Variants in GRM1 observed in about 807,000 individuals in gnomAD.
GRM1 encodes the protein glutamate metabotropic receptor 1.
Under a neutral mutation model 90.9 loss-of-function variants are expected in GRM1, and 33 were observed. The observed-to-expected ratio is 0.36, with a 90% CI of 0.28 to 0.49. The LOEUF (loss-of-function observed/expected upper bound fraction) is 0.49, where lower values mean the gene tolerates loss of function less well. Among genes scored for constraint, GRM1 ranks in the 20% least tolerant of loss-of-function variants. The pLI, the probability that GRM1 is intolerant of heterozygous loss-of-function variation, is 0.99. For missense variants in GRM1, 1,190 were observed against 1,534.3 expected (o/e 0.78, Z 3.75); for synonymous variants, 700 against 613.2 (o/e 1.14, Z -2.09).
At chr6:146,082,264 T>C (rs1391590500) in intron 1 of GRM1, among the ~76,000 whole-genome samples, 1 of 152,126 alleles carries the variant, frequency 6.6e-6, no homozygotes, top group Non-Finnish European at 1.5e-5. Flanking sequence ...CAAGCAATTC[T>C]CCCATCTCAG....
chr6:146,333,557 A>T (rs1784659043), intron 3 of GRM1, among the ~76,000 whole-genome samples: 1 of 152,172 alleles, frequency 6.6e-6, no homozygotes, highest in Admixed American at 6.6e-5. Context: ...GAGAAATGAC[A>T]GTTATATCTT....
At chr6:146,053,006 T>C (rs1411539902) in intron 1 of GRM1, among the ~76,000 whole-genome samples, 1 of 152,000 alleles carries the variant, frequency 6.6e-6, no homozygotes, top group Non-Finnish European at 1.5e-5. Context: ...AAGACAAATA[T>C]GTGACTAGAC....
intron 2 of GRM1, among the ~76,000 whole-genome samples, chr6:146,188,215 T>C (rs551237065): frequency 1.3e-5 from 2 of 152,298 alleles, no homozygotes; most frequent in South Asian, 4.1e-4. Flanking sequence ...AGGCATCTTT[T>C]CTTTCAAATC....
rs1039693579 is a variant in GRM1 at position 146,436,299 on chromosome 6, G to A, written c.*1503G>A. 3 of 152,156 alleles carry A rather than the reference G, an allele frequency of 2.0e-5. No individual in the cohort carries two copies. The highest frequency in any genetic ancestry group is 2.9e-5 in the Non-Finnish European group (2 of 68,022). The allele number at this position is 152,156 out of a possible 1,614,324, so 9.4% of individuals were successfully genotyped here. ...TATTTTTCAGATATTTTCTGATGTG[G>A]AGATATGTTATTAATGAAGTGGTTT... On this transcript the variant is annotated 3_prime_UTR_variant, in exon 8 of 8. Coordinates refer to ENST00000282753, the MANE Select transcript of GRM1 (RefSeq NM_001278064.2).
intron 1 of GRM1, among the ~76,000 whole-genome samples, chr6:146,113,366 G>C (rs1775631833): frequency 6.6e-6 from 1 of 152,156 alleles, no homozygotes; most frequent in Non-Finnish European, 1.5e-5. Flanking sequence ...TTCCACTTGT[G>C]ACAGTAATTA....
At chr6:146,398,612 A>G (rs1777049860) in intron 6 of GRM1, among the ~76,000 whole-genome samples, 157 bp from the exon 7 acceptor site, 1 of 152,210 alleles carries the variant, frequency 6.6e-6, no homozygotes, top group African/African-American at 2.4e-5. Flanking sequence ...ACAATGATGT[A>G]TCTTTATTTG....
At chr6:146,236,684 T>C (rs1162390617) in intron 2 of GRM1, among the ~76,000 whole-genome samples, 4 of 152,150 alleles carry the variant, frequency 2.6e-5, no homozygotes, top group Non-Finnish European at 5.9e-5. Context: ...TCCCTCAACA[T>C]CACTGGGTCA....
chr6:146,312,349 C>CAAAAAAAAAA lies in GRM1; in HGVS notation c.1186+7524_1186+7533dup, dbSNP rs1166008558. On this transcript the variant is annotated intron_variant, in intron 3 of 7. Coordinates refer to ENST00000282753, the MANE Select transcript of GRM1 (RefSeq NM_001278064.2). ...GAGCCTGGGTGAAAGAACTCCGTCT[C>CAAAAAAAAAA]AAAAAAAAAAAAAAAAAAAAAAAAA... is the stretch of plus-strand genomic sequence containing the variant. 7.0e-4 allele frequency among the ~76,000 whole-genome samples: 15 copies of CAAAAAAAAAA among 21,334 alleles called. 2 individuals carry two copies. Among genetic ancestry groups the CAAAAAAAAAA allele is most frequent in the African/African-American group, 9.7e-4 (7 of 7,212 alleles). The allele number at this position is 21,334 out of a possible 152,430, so 14.0% of individuals were successfully genotyped here. A position where few individuals can be genotyped will look rare whatever the true frequency, so the allele number is the denominator to read the frequency against.
At chr6:146,288,458 T>C (rs189899569) in intron 2 of GRM1, among the ~76,000 whole-genome samples, 2 of 152,358 alleles carry the variant, frequency 1.3e-5, no homozygotes, top group East Asian at 3.9e-4. Context: ...TTTGGTTACT[T>C]ATGCAGTCAT....
chr6:146,042,731 T>C (rs1167834289), intron 1 of GRM1, among the ~76,000 whole-genome samples: 2 of 152,024 alleles, frequency 1.3e-5, no homozygotes, highest in Non-Finnish European at 2.9e-5. Context: ...TGTTAGTTCA[T>C]ACTATTTTGA....
chr6:146,030,309 C>T, intron 1 of GRM1, 92 bp downstream of exon 1: 1 of 947,522 alleles, frequency 1.1e-6, no homozygotes, highest in Non-Finnish European at 1.7e-6. Flanking sequence ...CTGTTTATTT[C>T]TAGCACTGTG....
intron 6 of GRM1, among the ~76,000 whole-genome samples, chr6:146,397,825 A>G (rs1777021842): frequency 6.6e-6 from 1 of 152,194 alleles, no homozygotes; most frequent in South Asian, 2.1e-4. Context: ...TGATTGACTG[A>G]CAGGTTTAGC....
At chr6:146,220,899 A>C (rs1167010575) in intron 2 of GRM1, among the ~76,000 whole-genome samples, 1 of 151,964 alleles carries the variant, frequency 6.6e-6, no homozygotes, top group African/African-American at 2.4e-5. Flanking sequence ...GATGAGGTGA[A>C]AGTGTTATAG....
intron 1 of GRM1, among the ~76,000 whole-genome samples, chr6:146,093,888 A>G (rs1338488764): frequency 1.3e-5 from 2 of 152,050 alleles, no homozygotes; most frequent in African/African-American, 4.8e-5. Context: ...CTCGAATAAC[A>G]GGGGAATGAA....
At chr6:146,367,491 C>T (rs1362658240) in intron 5 of GRM1, among the ~76,000 whole-genome samples, 1 of 151,954 alleles carries the variant, frequency 6.6e-6, no homozygotes, top group Admixed American at 6.6e-5. Flanking sequence ...AAATTGCATG[C>T]CACTGAGGTT....
chr6:146,323,360 A>T (rs1784274679), intron 3 of GRM1, among the ~76,000 whole-genome samples: 1 of 152,078 alleles, frequency 6.6e-6, no homozygotes, highest in African/African-American at 2.4e-5. Context: ...GCATTTTTTC[A>T]TGTGTTTTTT....
At chr6:146,366,843 T>G (rs1216038957) in intron 5 of GRM1, among the ~76,000 whole-genome samples, 2 of 152,320 alleles carry the variant, frequency 1.3e-5, no homozygotes, top group African/African-American at 4.8e-5. Context: ...TTGCCCATCC[T>G]GTAGGTTGTC....
intron 1 of GRM1, among the ~76,000 whole-genome samples, chr6:146,146,412 A>G (rs1385210049): frequency 6.6e-6 from 1 of 151,834 alleles, no homozygotes; most frequent in Non-Finnish European, 1.5e-5. Context: ...AAATTAGATA[A>G]CCTGCTTTGA....
At chr6:146,337,676 T>G (rs1784821792) in intron 3 of GRM1, among the ~76,000 whole-genome samples, 1 of 152,140 alleles carries the variant, frequency 6.6e-6, no homozygotes, top group Admixed American at 6.6e-5. Flanking sequence ...TACAGCACAA[T>G]GATGTACTTG....
Sources: allele counts gnomAD v4.1 joint callset (sites outside exome capture counted in the v4.1 genomes callset), GRCh38; gene constraint gnomAD v4.1.1; transcripts MANE v1.5; gene names NCBI Gene and HGNC (gene_info 2026-07-23, HGNC 2026-07-21).